SGCD: variants seen among roughly 807,000 people sequenced by gnomAD.
SGCD encodes sarcoglycan delta, also known as delta-sarcoglycan.
In SGCD, 18 loss-of-function variants were observed where a neutral mutation model predicts 36.6. That is an observed-to-expected ratio of 0.49 (90% CI 0.34 to 0.73). The LOEUF is 0.73. Among genes scored for constraint, SGCD ranks in the 30% least tolerant of loss-of-function variants. SGCD has a pLI of 0.01. For missense variants in SGCD, 387 were observed against 346.7 expected, an observed-to-expected ratio of 1.12 and a Z score of -0.92; for synonymous variants, 133 against 130.6, an observed-to-expected ratio of 1.02 and a Z score of -0.12.
At chr5:156,210,118 C>T (rs1450688241) in intron 3 of SGCD, among the ~76,000 whole-genome samples, 1 of 152,166 alleles carries the variant, frequency 6.6e-6, no homozygotes, top group East Asian at 1.9e-4. Context: ...AAAAGGTGGA[C>T]TCCTATAGAC....
intron 7 of SGCD, among the ~76,000 whole-genome samples, chr5:156,725,276 T>G (rs931825823): frequency 4.6e-5 from 7 of 152,152 alleles, no homozygotes; most frequent in Non-Finnish European, 8.8e-5. Flanking sequence ...CAAGAAGCGT[T>G]GCATATCAGA....
At chr5:155,888,487 G>A (rs1259645651) in intron 1 of SGCD, among the ~76,000 whole-genome samples, 2 of 152,320 alleles carry the variant, frequency 1.3e-5, no homozygotes, top group South Asian at 4.1e-4. Flanking sequence ...TAACATGAGA[G>A]TCTTCATAAG....
chr5:156,616,244 T>C (rs150373390), intron 6 of SGCD, among the ~76,000 whole-genome samples: 172 of 152,348 alleles, frequency 1.1e-3, no homozygotes, highest in Middle Eastern at 6.8e-3. Context: ...CTGTGTGGAC[T>C]GTCATGGACC....
chr5:155,804,720 T>A, the SGCD span, among the ~76,000 whole-genome samples: 2 of 152,222 alleles, frequency 1.3e-5, no homozygotes, highest in African/African-American at 2.4e-5. Flanking sequence ...TCTGCATGGA[T>A]CAACCGTGAA....
intron 7 of SGCD, among the ~76,000 whole-genome samples, chr5:156,689,374 G>A (rs1408549871): frequency 2.0e-5 from 3 of 152,264 alleles, no homozygotes; most frequent in Non-Finnish European, 4.4e-5. Flanking sequence ...TGGAATTCCC[G>A]AAGATCTCAA....
chr5:156,028,832 G>A (rs1266576209), intron 1 of SGCD, among the ~76,000 whole-genome samples: 1 of 152,144 alleles, frequency 6.6e-6, no homozygotes, highest in African/African-American at 2.4e-5. Flanking sequence ...ACAGCATGAT[G>A]TCGTCTGAAC....
intron 7 of SGCD, among the ~76,000 whole-genome samples, chr5:156,712,578 C>T (rs1159232650): frequency 6.6e-6 from 1 of 152,194 alleles, no homozygotes; most frequent in Non-Finnish European, 1.5e-5. Flanking sequence ...AATGTATCAG[C>T]TTGCCAGGTT....
chr5:156,093,311 T>C (rs942222056), intron 1 of SGCD, among the ~76,000 whole-genome samples: 1 of 152,198 alleles, frequency 6.6e-6, no homozygotes. Flanking sequence ...CATTGTATAC[T>C]TTGGAAGCAA....
intron 1 of SGCD, among the ~76,000 whole-genome samples, chr5:156,045,461 G>A (rs900869318): frequency 6.6e-6 from 1 of 152,068 alleles, no homozygotes; most frequent in Admixed American, 6.6e-5. Context: ...TGTCCTTTAA[G>A]ACTGACTTGC....
At chr5:155,738,159 C>A in the SGCD span, among the ~76,000 whole-genome samples, 1 of 152,126 alleles carries the variant, frequency 6.6e-6, no homozygotes, top group Non-Finnish European at 1.5e-5. Context: ...GTTTGCCATA[C>A]CCAATGTATG....
chr5:155,953,994 C>T (rs192238322), intron 1 of SGCD, among the ~76,000 whole-genome samples: 4 of 152,238 alleles, frequency 2.6e-5, no homozygotes, highest in Admixed American at 1.3e-4. Flanking sequence ...TGCCCCCATT[C>T]GGAGACAGAT....
chr5:155,892,850 C>T (rs1280039393), intron 1 of SGCD, among the ~76,000 whole-genome samples: 1 of 152,090 alleles, frequency 6.6e-6, no homozygotes, highest in Non-Finnish European at 1.5e-5. Flanking sequence ...GTAAAGTACG[C>T]CAGACACTGA....
chr5:156,144,851 A>G (rs1247609522), intron 3 of SGCD, among the ~76,000 whole-genome samples: 2 of 152,184 alleles, frequency 1.3e-5, no homozygotes, highest in Non-Finnish European at 2.9e-5. Flanking sequence ...TCTTGGAAGT[A>G]TCTAGTTTTT....
At chr5:155,993,645 T>A (rs1758481090) in intron 1 of SGCD, among the ~76,000 whole-genome samples, 1 of 152,098 alleles carries the variant, frequency 6.6e-6, no homozygotes, top group Non-Finnish European at 1.5e-5. Context: ...GTGCCTGGCT[T>A]CCTGGGGACA....
chr5:155,910,694 G>C (rs547071672), intron 1 of SGCD, among the ~76,000 whole-genome samples: 1 of 152,100 alleles, frequency 6.6e-6, no homozygotes, highest in South Asian at 2.1e-4. Context: ...TCCTCCTTGA[G>C]GATAGAAAAG....
chr5:155,925,143 G>C (rs1235939040), intron 1 of SGCD, among the ~76,000 whole-genome samples: 2 of 152,052 alleles, frequency 1.3e-5, no homozygotes, highest in Non-Finnish European at 2.9e-5. Flanking sequence ...CAATACTATG[G>C]ATAATAAATA....
the SGCD span, among the ~76,000 whole-genome samples, chr5:155,804,594 T>C: frequency 6.6e-6 from 1 of 152,214 alleles, no homozygotes; most frequent in Non-Finnish European, 1.5e-5. Flanking sequence ...TGTGCAACCA[T>C]CACATGGCCT....
At chr5:156,652,722 G>C (rs1292146548) in intron 7 of SGCD, among the ~76,000 whole-genome samples, 1 of 152,070 alleles carries the variant, frequency 6.6e-6, no homozygotes, top group Non-Finnish European at 1.5e-5. Context: ...CTGTGTGTTT[G>C]TCACAGATGG....
At chr5:155,938,051 C>T (rs377351943) in intron 1 of SGCD, among the ~76,000 whole-genome samples, 2 of 152,332 alleles carry the variant, frequency 1.3e-5, no homozygotes, top group African/African-American at 2.4e-5. Context: ...TCTCTGGTCA[C>T]ATACAGACAT....
Sources: allele counts gnomAD v4.1 joint callset (sites outside exome capture counted in the v4.1 genomes callset), GRCh38; gene constraint gnomAD v4.1.1; transcripts MANE v1.5; gene names NCBI Gene and HGNC (gene_info 2026-07-23, HGNC 2026-07-21).